The following ADAMTSL1 variants were observed in gnomAD, a reference collection of about 807,000 sequenced individuals.
The protein encoded by ADAMTSL1 is ADAMTS like 1, also known as ADAMTS-like protein 1.
A neutral mutation model predicts 201.8 loss-of-function variants in ADAMTSL1; 126 were observed. The observed-to-expected ratio is 0.62, with a 90% CI of 0.54 to 0.72. The LOEUF (loss-of-function observed/expected upper bound fraction) is 0.72, where lower values mean the gene tolerates loss of function less well. ADAMTSL1 is among the 30% of genes least tolerant of loss of function. The pLI is 0.00. For missense variants in ADAMTSL1, 2,679 were observed against 2,277.8 expected (o/e 1.18, Z -3.59); for synonymous variants, 1,121 against 903.4 (o/e 1.24, Z -4.32).
At chr9:18,559,812 CTA>C (rs1401178983) in intron 3 of ADAMTSL1, among the ~76,000 whole-genome samples, 1 of 152,056 alleles carries the variant, frequency 6.6e-6, no homozygotes, top group Non-Finnish European at 1.5e-5. Context: ...CTCCATTTGT[CTA>C]TTATTGGTAT....
At chr9:18,638,026 T>G (rs927325190) in intron 6 of ADAMTSL1, among the ~76,000 whole-genome samples, 3 of 152,102 alleles carry the variant, frequency 2.0e-5, no homozygotes, top group African/African-American at 7.2e-5. Flanking sequence ...TTTAGTGCAG[T>G]TGCTTTCCCC....
intron 2 of ADAMTSL1, among the ~76,000 whole-genome samples, chr9:18,221,227 T>G (rs1421462187): frequency 1.3e-5 from 2 of 152,194 alleles, no homozygotes; most frequent in Non-Finnish European, 2.9e-5. Flanking sequence ...CCCCCGCAAA[T>G]TGGACACATT....
intron 2 of ADAMTSL1, among the ~76,000 whole-genome samples, chr9:18,453,174 G>A (rs1337508714): frequency 6.6e-6 from 1 of 152,200 alleles, no homozygotes; most frequent in Non-Finnish European, 1.5e-5. Context: ...AGAGCAGTAG[G>A]ATGAGCCTCA....
intron 1 of ADAMTSL1, among the ~76,000 whole-genome samples, chr9:18,040,448 T>A (rs958862471): frequency 6.6e-6 from 1 of 152,214 alleles, no homozygotes; most frequent in African/African-American, 2.4e-5. Context: ...GGCTCATGCA[T>A]GCAAGGTGCA....
chr9:18,743,513 G>C (rs1818961911), intron 15 of ADAMTSL1, among the ~76,000 whole-genome samples: 2 of 152,060 alleles, frequency 1.3e-5, no homozygotes, highest in South Asian at 4.2e-4. Context: ...GACTTAGAAG[G>C]TGTGGCAAAT....
chr9:18,169,770 T>C (rs1001469608), intron 2 of ADAMTSL1, among the ~76,000 whole-genome samples: 3 of 152,174 alleles, frequency 2.0e-5, no homozygotes, highest in Non-Finnish European at 4.4e-5. Context: ...TGGAATGTTC[T>C]TCCATTTGTT....
rs547321797 is a variant in ADAMTSL1, at chr9:18,056,832, T to G, written c.88-107030T>G. ...TTCTGCCCAACTTCTCTCCCTGCAG[T>G]GCCCTTCACAGACCTCTCTTCAGTG... is the stretch of plus-strand genomic sequence containing the variant. On this transcript the variant is annotated intron_variant, in intron 1 of 29. Coordinates refer to the ADAMTSL1 transcript ENST00000680146. 5.9e-5 allele frequency among the ~76,000 whole-genome samples: 9 copies of G among 152,280 alleles called. No homozygotes were observed. In the East Asian group the frequency reaches 1.7e-3, roughly 29 times the overall value.
chr9:18,513,055 G>A (rs1158659418), intron 2 of ADAMTSL1, among the ~76,000 whole-genome samples: 1 of 152,172 alleles, frequency 6.6e-6, no homozygotes, highest in African/African-American at 2.4e-5. Context: ...TTCAGACTTA[G>A]ACCTAGACTG....
intron 2 of ADAMTSL1, among the ~76,000 whole-genome samples, chr9:18,384,486 C>A (rs1437100755): frequency 2.0e-5 from 3 of 152,082 alleles, no homozygotes; most frequent in Non-Finnish European, 4.4e-5. Context: ...AATGTTAGGT[C>A]CTTCCTCCTT....
At chr9:18,152,272 G>A (rs1017130867) in intron 1 of ADAMTSL1, among the ~76,000 whole-genome samples, 8 of 151,976 alleles carry the variant, frequency 5.3e-5, no homozygotes, top group African/African-American at 1.4e-4. Flanking sequence ...TGGAGGATGC[G>A]TAGAAACAGC....
rs543252048 is a variant in ADAMTSL1, at chr9:17,944,364, A to G, written c.87+37442A>G. On this transcript the variant is annotated intron_variant, in intron 1 of 29. Coordinates refer to the ADAMTSL1 transcript ENST00000680146. ...TCCATGCTCATGGGTAGGAAGAATC[A>G]ATATCATGAAAATGGCCATACTGCC... Among the ~76,000 whole-genome samples the G allele has an allele frequency of 5.9e-5, 9 of 152,298 alleles. No homozygotes were observed. In the South Asian group the frequency reaches 6.2e-4, roughly 11 times the overall value.
At chr9:17,917,470 T>C (rs1826140891) in intron 1 of ADAMTSL1, among the ~76,000 whole-genome samples, 3 of 152,042 alleles carry the variant, frequency 2.0e-5, no homozygotes, top group African/African-American at 7.2e-5. Context: ...GATTTTTCCT[T>C]TTTAGTTTAA....
intron 2 of ADAMTSL1, among the ~76,000 whole-genome samples, chr9:18,419,457 C>G (rs572408052): frequency 1.3e-5 from 2 of 152,110 alleles, no homozygotes; most frequent in African/African-American, 2.4e-5. Context: ...GATGTTTACT[C>G]TAGAGAAATA....
In ADAMTSL1 at chr9:18,028,191, G is replaced by A. The variant is rs115168469; in HGVS notation, c.87+121269G>A. ...TGGTATGTGAGGTGTTGTTCCTGTC[G>A]TGATATTGTTAGCTGGTTGCTTTGT... On this transcript the variant is annotated intron_variant, in intron 1 of 29. Transcript: ENST00000680146. Among the ~76,000 whole-genome samples the A allele has an allele frequency of 7.9e-3, 1,196 of 152,078 alleles. 18 individuals carry two copies. The highest frequency in any genetic ancestry group is 0.027 in the African/African-American group (1,140 of 41,524).
At position 18,887,893 on chromosome 9, in the gene ADAMTSL1, G is replaced by T. The variant is rs754586015; in HGVS notation, c.4312G>T (p.Val1438Phe). 1.2e-6 allele frequency: 2 copies of T among 1,613,918 alleles called. No homozygotes were observed. Among genetic ancestry groups the T allele is most frequent in the East Asian group, 4.5e-5 (2 of 44,882 alleles). ...ITWFHGGQPI[V>F]TATGLTHHIL... ...CTGGTTTCATGGTGGTCAGCCAATT[G>T]TCACTGCCACAGGACTGACGCATCA... is the stretch of plus-strand genomic sequence containing the variant. Residue 1438 changes from valine (V) to phenylalanine (F), a missense_variant, in exon 24 of 29, where the codon GTC becomes TTC. Physicochemically the swap from Val to Phe is conservative, Grantham distance 50. Coordinates refer to ENST00000380548, the MANE Select transcript of ADAMTSL1 (RefSeq NM_001040272.6).
chr9:18,827,955 G>A (rs989812310), intron 22 of ADAMTSL1, among the ~76,000 whole-genome samples: 7 of 152,170 alleles, frequency 4.6e-5, no homozygotes, highest in Non-Finnish European at 8.8e-5. Flanking sequence ...TCAAAGCAAT[G>A]TCTCATTTAA....
intron 23 of ADAMTSL1, among the ~76,000 whole-genome samples, chr9:18,845,677 C>G (rs1017773242): frequency 3.3e-5 from 5 of 152,220 alleles, no homozygotes; most frequent in African/African-American, 1.2e-4. Flanking sequence ...ACCCAGCTGG[C>G]ATGAGATGCA....
intron 23 of ADAMTSL1, among the ~76,000 whole-genome samples, chr9:18,886,091 A>G (rs1195354471): frequency 6.7e-6 from 1 of 150,348 alleles, no homozygotes; most frequent in African/African-American, 2.4e-5. Context: ...GTTCAAGAAC[A>G]GCCTGGCCAA....
At chr9:18,289,291 C>T (rs1177022424) in intron 2 of ADAMTSL1, among the ~76,000 whole-genome samples, 1 of 152,074 alleles carries the variant, frequency 6.6e-6, no homozygotes, top group East Asian at 1.9e-4. Flanking sequence ...GTTGGATACC[C>T]AGGAGAACTG....
Sources: gnomAD v4.1 joint callset for allele counts (sites outside exome capture counted in the v4.1 genomes callset) on GRCh38, gnomAD v4.1.1 for gene constraint, MANE v1.5 for transcripts, NCBI Gene and HGNC (gene_info 2026-07-23, HGNC 2026-07-21) for gene names.